SIN3A: variants seen among roughly 807,000 people sequenced by gnomAD.
The protein encoded by SIN3A is paired amphipathic helix protein Sin3a.
Under a neutral mutation model 146.1 loss-of-function variants are expected in SIN3A, and 14 were observed. The observed-to-expected ratio is 0.10, with a 90% confidence interval of 0.06 to 0.15. The LOEUF is 0.15. Ranked by LOEUF, SIN3A falls within the 10% of genes least tolerant of loss-of-function variation. The probability of loss-of-function intolerance (pLI) is 1.00; values close to 1 mark genes in which losing one functional copy is unlikely to be tolerated. For synonymous variants in SIN3A, 572 were observed against 572.0 expected, an observed-to-expected ratio of 1.00 and a Z score of 0.00; for missense variants, 1,028 against 1,576.0, an observed-to-expected ratio of 0.65 and a Z score of 5.89.
At chr15:75,381,898 A>C (rs2072979368) in intron 17 of SIN3A, among the ~76,000 whole-genome samples, 193 bp from the exon 18 acceptor site, 1 of 152,226 alleles carries the variant, frequency 6.6e-6, no homozygotes, top group Admixed American at 6.5e-5. Context: ...AAAATGAAAT[A>C]TATTAAAGCA....
intron 9 of SIN3A, among the ~76,000 whole-genome samples, chr15:75,406,602 G>GC (rs2073520541): frequency 6.6e-6 from 1 of 152,112 alleles, no homozygotes; most frequent in African/African-American, 2.4e-5. Flanking sequence ...CAGGAGAATG[G>GC]CGTGAACCCC....
At chr15:75,402,216 CTG>C (rs1164855230) in intron 9 of SIN3A, among the ~76,000 whole-genome samples, 1 of 151,964 alleles carries the variant, frequency 6.6e-6, no homozygotes, top group Non-Finnish European at 1.5e-5. Context: ...TTTTTAAAAA[CTG>C]GGGAAATTTG....
At chr15:75,450,856 C>G (rs554555519) in intron 1 of SIN3A, among the ~76,000 whole-genome samples, 1 of 152,188 alleles carries the variant, frequency 6.6e-6, no homozygotes, top group Non-Finnish European at 1.5e-5. Flanking sequence ...GCCAAGGAGG[C>G]GGAAACCCGG....
intron 9 of SIN3A, among the ~76,000 whole-genome samples, chr15:75,406,043 A>G (rs938340074): frequency 6.6e-6 from 1 of 152,184 alleles, no homozygotes; most frequent in Non-Finnish European, 1.5e-5. Context: ...ATCAGGAGAT[A>G]CTAATCACGG....
intron 6 of SIN3A, among the ~76,000 whole-genome samples, chr15:75,410,779 G>A (rs1034730093): frequency 3.0e-4 from 45 of 152,040 alleles, no homozygotes; most frequent in Admixed American, 4.6e-4. Context: ...GCCGGGCACG[G>A]TGGCTCATGC....
chr15:75,399,248 G>C (rs934478564), intron 12 of SIN3A, among the ~76,000 whole-genome samples: 1 of 151,756 alleles, frequency 6.6e-6, no homozygotes, highest in Non-Finnish European at 1.5e-5. Flanking sequence ...AAAGCAATCA[G>C]CTGGGCGCAG....
At chr15:75,412,214 T>C (rs2073653620) in intron 5 of SIN3A, among the ~76,000 whole-genome samples, 1 of 152,256 alleles carries the variant, frequency 6.6e-6, no homozygotes, top group Non-Finnish European at 1.5e-5. Context: ...CACATGAGGT[T>C]ACTGAGCACT....
At chr15:75,432,663 G>C (rs941216451) in intron 1 of SIN3A, among the ~76,000 whole-genome samples, 3 of 136,334 alleles carry the variant, frequency 2.2e-5, no homozygotes, top group Non-Finnish European at 4.6e-5. Flanking sequence ...TCCAGCCTGG[G>C]CAACAGACTG....
In SIN3A at chr15:75,371,872, C is replaced by T. The variant is rs1280815410; in HGVS notation, c.*107G>A. 4.5e-5 allele frequency: 45 copies of T among 1,003,914 alleles called. 2 individuals are homozygous for T. The South Asian group carries it at 6.7e-4, about 15-fold the overall frequency. The allele number at this position is 1,003,914 out of a possible 1,614,324, so 62.2% of individuals were successfully genotyped here. On this transcript the variant is annotated 3_prime_UTR_variant, in exon 21 of 21. Coordinates refer to ENST00000394947, the MANE Select transcript of SIN3A (RefSeq NM_001145358.2). ...GTCAGGTGGCCATGTCCCAGAGAGG[C>T]CCAGTGAGGCTTGAAAGGCATCTTC...
intron 20 of SIN3A, among the ~76,000 whole-genome samples, chr15:75,373,754 T>TA (rs1011963776): frequency 2.4e-3 from 317 of 132,244 alleles, no homozygotes; most frequent in South Asian, 2.7e-3. Flanking sequence ...CTATTTTCAT[T>TA]AAAAAAAAAA....
intron 16 of SIN3A, chr15:75,388,508 G>A (rs2073135443): frequency 6.6e-6 from 1 of 152,218 alleles, no homozygotes; most frequent in African/African-American, 2.4e-5. Context: ...TCCACAAGAG[G>A]GTGGCATTAG....
At chr15:75,454,568 C>T (rs2074460966), upstream of SIN3A, among the ~76,000 whole-genome samples, 1 of 151,520 alleles carries the variant, frequency 6.6e-6, no homozygotes, top group African/African-American at 2.4e-5. Flanking sequence ...CCCCGCGCCC[C>T]TCCCCGCCCG....
At chr15:75,417,879 G>A (rs910211150) in intron 3 of SIN3A, among the ~76,000 whole-genome samples, 7 of 152,126 alleles carry the variant, frequency 4.6e-5, no homozygotes, top group Non-Finnish European at 7.4e-5. Flanking sequence ...TTATAAAAGG[G>A]CTGGAGTGAA....
Position 75,394,753 on chromosome 15 carries a change from T to C in SIN3A, c.2204A>G (p.Asn735Ser), listed in dbSNP as rs564818133. Residue 735 changes from asparagine to serine, a missense_variant, in exon 14 of 21, where the codon AAC becomes AGC. Coordinates refer to ENST00000394947, the MANE Select transcript of SIN3A (RefSeq NM_001145358.2). ...YLKSLDHQGINFKQNDTKVLR... is the reference protein window; with the variant it reads ...YLKSLDHQGISFKQNDTKVLR... ...GACCTTGGTGTCATTCTGTTTAAAG[T>C]TGATCCCCTGGTGGTCCAGAGACTT... 27 of 1,614,052 alleles carry C rather than the reference T, an allele frequency of 1.7e-5. No individual in the cohort carries two copies. Among genetic ancestry groups the C allele is most frequent in the Middle Eastern group, 1.6e-4 (1 of 6,084 alleles).
At chr15:75,433,921 T>C (rs1377678958) in intron 1 of SIN3A, among the ~76,000 whole-genome samples, 1 of 152,236 alleles carries the variant, frequency 6.6e-6, no homozygotes, top group African/African-American at 2.4e-5. Flanking sequence ...TTTCAGGCCC[T>C]GATCATCCTT....
Position 75,380,705 on chromosome 15 carries a change from C to T in SIN3A, c.3307G>A (p.Glu1103Lys). Residue 1103 changes from glutamate (E) to lysine (K), a missense_variant, in exon 19 of 21, where the codon GAG becomes AAG. By Grantham distance (56) the Glu-to-Lys change is moderately conservative (BLOSUM62 1). Around this residue, in one of 9 missense-constraint regions of SIN3A, gnomAD observed 488 missense variants for 690.2 expected, o/e 0.71. Transcript: ENST00000394947. The stretch of plus-strand genomic sequence containing the variant: ...GTAGTATCTGAATTCATGTATCGCT[C>T]CACGTAGTCTGACCAGCGCTAAGAT... ...VEAERWSDYV[E>K]RYMNSDTTSP... is the part of the protein sequence containing the mutation. The T allele has an allele frequency of 6.2e-7, 1 of 1,613,846 alleles. No homozygotes were observed. The highest frequency in any genetic ancestry group is 8.5e-7 in the Non-Finnish European group (1 of 1,179,880).
chr15:75,454,704 C>G (rs935181071), upstream of SIN3A, among the ~76,000 whole-genome samples: 1 of 151,350 alleles, frequency 6.6e-6, no homozygotes, highest in Non-Finnish European at 1.5e-5. Context: ...CCCGCCCCAT[C>G]CGCGCCGAGC....
At chr15:75,399,690 C>A (rs2141451199) in intron 12 of SIN3A, among the ~76,000 whole-genome samples, 1 of 152,320 alleles carries the variant, frequency 6.6e-6, no homozygotes, top group Admixed American at 6.5e-5. Context: ...AATTTAAAAA[C>A]AGCTTCAAGA....
chr15:75,432,368 T>G (rs1286518303), intron 1 of SIN3A, among the ~76,000 whole-genome samples: 1 of 152,144 alleles, frequency 6.6e-6, no homozygotes, highest in Non-Finnish European at 1.5e-5. Flanking sequence ...CATCGGAGAT[T>G]AACCTCTGTA....
Sources: allele counts gnomAD v4.1 joint callset (sites outside exome capture counted in the v4.1 genomes callset), GRCh38; gene constraint gnomAD v4.1.1; regional missense constraint gnomAD v4.1.1; transcripts MANE v1.5; gene names NCBI Gene and HGNC (gene_info 2026-07-23, HGNC 2026-07-21).